Variants in CATSPERT observed in about 807,000 individuals in gnomAD.
CATSPERT encodes catsper channel auxiliary subunit tau.
At chr2:201,494,451 A>T in the CATSPERT span, 1 of 1,537,448 alleles carries the variant, frequency 6.5e-7, no homozygotes, top group Non-Finnish European at 8.7e-7. Context: ...CATTTGGTAG[A>T]TTTTCTTTTA....
the CATSPERT span, among the ~76,000 whole-genome samples, chr2:201,577,480 C>T: frequency 6.6e-6 from 1 of 152,182 alleles, no homozygotes; most frequent in Non-Finnish European, 1.5e-5. Context: ...GATATGGAAG[C>T]AACCTAGTGT....
At chr2:201,531,895 T>C in the CATSPERT span, among the ~76,000 whole-genome samples, 3 of 152,314 alleles carry the variant, frequency 2.0e-5, no homozygotes, top group African/African-American at 4.8e-5. Flanking sequence ...AAACACGCCA[T>C]TGAAGAATAC....
the CATSPERT span, among the ~76,000 whole-genome samples, chr2:201,578,083 T>C: frequency 6.6e-6 from 1 of 152,092 alleles, no homozygotes; most frequent in Non-Finnish European, 1.5e-5. Flanking sequence ...CAGCAAAAAA[T>C]TAACACTAGC....
chr2:201,519,888 T>C, the CATSPERT span, among the ~76,000 whole-genome samples: 1 of 152,170 alleles, frequency 6.6e-6, no homozygotes, highest in East Asian at 1.9e-4. Flanking sequence ...ACTGGATGAA[T>C]GGATAAACAT....
chr2:201,542,040 T>C, the CATSPERT span, among the ~76,000 whole-genome samples: 3 of 152,312 alleles, frequency 2.0e-5, no homozygotes, highest in Middle Eastern at 0.01. Context: ...ATTACATGCA[T>C]GAGCCACTGT....
chr2:201,545,552 C>T, the CATSPERT span: 1 of 1,438,876 alleles, frequency 6.9e-7, no homozygotes. Context: ...CCTACTCCTA[C>T]AATATTTTCA....
chr2:201,487,583 T>C, the CATSPERT span: 1 of 1,588,668 alleles, frequency 6.3e-7, no homozygotes, highest in East Asian at 2.2e-5. Flanking sequence ...TAAACATGTT[T>C]TATAATATCA....
chr2:201,611,882 A>G, the CATSPERT span, among the ~76,000 whole-genome samples: 7 of 152,184 alleles, frequency 4.6e-5, no homozygotes, highest in Non-Finnish European at 5.9e-5. Flanking sequence ...TGGTACTACT[A>G]AGTATAGTGG....
chr2:201,575,473 T>C, the CATSPERT span: 38 of 449,564 alleles, frequency 8.5e-5, no homozygotes, highest in Non-Finnish European at 1.2e-4. Flanking sequence ...AGGAAATGAG[T>C]GGTGGGCAAG....
the CATSPERT span, among the ~76,000 whole-genome samples, chr2:201,605,225 G>A: frequency 6.6e-6 from 1 of 152,042 alleles, no homozygotes; most frequent in African/African-American, 2.4e-5. Flanking sequence ...AACACAAAAG[G>A]AAGCACAGAC....
At chr2:201,597,308 C>T in the CATSPERT span, among the ~76,000 whole-genome samples, 5 of 152,314 alleles carry the variant, frequency 3.3e-5, no homozygotes, top group South Asian at 2.1e-4. Flanking sequence ...AGCCCTCCAG[C>T]GTCTGTTCTC....
chr2:201,615,741 A>G, the CATSPERT span, among the ~76,000 whole-genome samples: 8 of 152,102 alleles, frequency 5.3e-5, no homozygotes, highest in African/African-American at 1.9e-4. Flanking sequence ...ACACAAAAAA[A>G]CCTTCAAAAA....
the CATSPERT span, among the ~76,000 whole-genome samples, chr2:201,547,108 C>G: frequency 6.6e-6 from 1 of 152,002 alleles, no homozygotes; most frequent in Non-Finnish European, 1.5e-5. Flanking sequence ...CTAATTGCTG[C>G]CTAGGGCTAG....
the CATSPERT span, among the ~76,000 whole-genome samples, chr2:201,612,349 G>A: frequency 6.6e-6 from 1 of 152,012 alleles, no homozygotes; most frequent in Non-Finnish European, 1.5e-5. Context: ...CCAGGTGGGT[G>A]GATCACCTGA....
At chr2:201,594,235 T>TG in the CATSPERT span, among the ~76,000 whole-genome samples, 1 of 152,250 alleles carries the variant, frequency 6.6e-6, no homozygotes, top group South Asian at 2.1e-4. Context: ...TCTTCACTTA[T>TG]GAAGCTTAGT....
chr2:201,519,401 A>T, the CATSPERT span, among the ~76,000 whole-genome samples: 2 of 152,200 alleles, frequency 1.3e-5, no homozygotes, highest in Admixed American at 1.3e-4. Context: ...TCCCCAAAAG[A>T]CGTGACTATT....
chr2:201,521,459 C>G, the CATSPERT span, among the ~76,000 whole-genome samples: 232 of 96,186 alleles, frequency 2.4e-3, 1 homozygote, highest in Middle Eastern at 0.04. Flanking sequence ...GAGAAAGAGA[C>G]ACACAGAGAG....
the CATSPERT span, among the ~76,000 whole-genome samples, chr2:201,595,235 C>G: frequency 4.8e-5 from 7 of 145,804 alleles, no homozygotes; most frequent in African/African-American, 1.5e-4. Flanking sequence ...GTCGCCCAGG[C>G]TGGGGTGCAG....
At chr2:201,587,282 A>G in the CATSPERT span, among the ~76,000 whole-genome samples, 2 of 151,944 alleles carry the variant, frequency 1.3e-5, no homozygotes, top group Admixed American at 6.6e-5. Context: ...TTACCCACTC[A>G]TTTACCATTT....
Sources: allele counts gnomAD v4.1 joint callset (sites outside exome capture counted in the v4.1 genomes callset), GRCh38; gene constraint gnomAD v4.1.1; transcripts MANE v1.5; gene names NCBI Gene and HGNC (gene_info 2026-07-23, HGNC 2026-07-21).